The following ARHGAP24 variants were observed in gnomAD, a reference collection of about 807,000 sequenced individuals.
The protein encoded by ARHGAP24 is Rho GTPase activating protein 24.
Under a neutral mutation model 76.4 loss-of-function variants are expected in ARHGAP24, and 50 were observed. The ratio of observed to expected loss-of-function variants is 0.65; its 90% CI spans 0.52 to 0.83. The LOEUF (loss-of-function observed/expected upper bound fraction) is 0.83. Ranked by LOEUF, ARHGAP24 falls within the 40% of genes least tolerant of loss-of-function variation. ARHGAP24 has a pLI of 0.00. For missense variants in ARHGAP24, 930 were observed against 914.2 expected (o/e 1.02, Z -0.22); for synonymous variants, 345 against 323.3 (o/e 1.07, Z -0.72).
chr4:85,944,052 T>C (rs931755367), intron 5 of ARHGAP24, among the ~76,000 whole-genome samples: 13 of 152,292 alleles, frequency 8.5e-5, no homozygotes, highest in African/African-American at 2.9e-4. Context: ...TCCACAATGG[T>C]TGAGCTAATT....
At chr4:85,815,043 C>T (rs895899220) in intron 3 of ARHGAP24, among the ~76,000 whole-genome samples, 3 of 152,104 alleles carry the variant, frequency 2.0e-5, no homozygotes, top group African/African-American at 4.8e-5. Context: ...AGCCATGGCC[C>T]GAGCTCTACA....
chr4:85,493,795 T>A (rs546975629), intron 1 of ARHGAP24, among the ~76,000 whole-genome samples: 1 of 152,360 alleles, frequency 6.6e-6, no homozygotes, highest in Non-Finnish European at 1.5e-5. Flanking sequence ...ACGTATCTCC[T>A]TTTTTCTACA....
chr4:85,931,854 A>C (rs1560726449), intron 4 of ARHGAP24, among the ~76,000 whole-genome samples: 1 of 152,210 alleles, frequency 6.6e-6, no homozygotes, highest in Non-Finnish European at 1.5e-5. Flanking sequence ...AAGTAATTAT[A>C]ATGTTAATGA....
intron 1 of ARHGAP24, among the ~76,000 whole-genome samples, chr4:85,540,619 T>C (rs986158855): frequency 7.2e-5 from 11 of 152,206 alleles, no homozygotes; most frequent in Admixed American, 6.5e-4. Flanking sequence ...TATACCCTTG[T>C]AACAATCACC....
At chr4:85,862,404 C>A (rs537144833) in intron 3 of ARHGAP24, among the ~76,000 whole-genome samples, 6 of 152,092 alleles carry the variant, frequency 3.9e-5, no homozygotes, top group African/African-American at 1.4e-4. Context: ...TAGCAATCTA[C>A]GAGTGATTGA....
chr4:85,694,779 G>A (rs962727932), intron 2 of ARHGAP24, among the ~76,000 whole-genome samples: 1 of 152,012 alleles, frequency 6.6e-6, no homozygotes, highest in African/African-American at 2.4e-5. Flanking sequence ...GAGTATGTTG[G>A]GCAAGTATAT....
At chr4:85,883,553 G>C (rs1235439282) in intron 3 of ARHGAP24, among the ~76,000 whole-genome samples, 1 of 152,136 alleles carries the variant, frequency 6.6e-6, no homozygotes, top group Non-Finnish European at 1.5e-5. Flanking sequence ...TAGAGTACAT[G>C]TGCTGGGAGG....
intron 3 of ARHGAP24, among the ~76,000 whole-genome samples, chr4:85,772,485 C>A (rs188522846): frequency 6.6e-6 from 1 of 152,168 alleles, no homozygotes; most frequent in Non-Finnish European, 1.5e-5. Context: ...TTACCTCTTG[C>A]CTTCCTAGAT....
intron 1 of ARHGAP24, among the ~76,000 whole-genome samples, chr4:85,509,457 A>G (rs936873628): frequency 2.7e-4 from 41 of 152,294 alleles, no homozygotes; most frequent in African/African-American, 8.2e-4. Flanking sequence ...ATTATAAAAA[A>G]AAGTTACACA....
intron 3 of ARHGAP24, among the ~76,000 whole-genome samples, chr4:85,766,524 C>A (rs1726936289): frequency 6.6e-6 from 1 of 151,994 alleles, no homozygotes; most frequent in Admixed American, 6.6e-5. Context: ...TCAGAATCTG[C>A]ATGTTTAAGC....
At chr4:85,779,073 A>G (rs920623589) in intron 3 of ARHGAP24, 1 of 742,514 alleles carries the variant, frequency 1.3e-6, no homozygotes, top group African/African-American at 1.9e-5. Context: ...TTTTGAGAGA[A>G]AATATACCCT....
intron 3 of ARHGAP24, among the ~76,000 whole-genome samples, chr4:85,756,641 T>C (rs1391191995): frequency 6.6e-6 from 1 of 152,226 alleles, no homozygotes; most frequent in African/African-American, 2.4e-5. Flanking sequence ...GCCTTTGAGT[T>C]AAGAAAGTCT....
chr4:85,987,801 GA>G (rs757937518), intron 8 of ARHGAP24, among the ~76,000 whole-genome samples: 8 of 151,706 alleles, frequency 5.3e-5, no homozygotes, highest in Non-Finnish European at 1.0e-4. Context: ...TTTTTTCACA[GA>G]ATTGATGAAA....
chr4:85,774,538 G>A (rs549701192), intron 3 of ARHGAP24, among the ~76,000 whole-genome samples: 28 of 152,286 alleles, frequency 1.8e-4, no homozygotes, highest in African/African-American at 6.5e-4. Context: ...CAGCATTCAG[G>A]AAATGAAAGA....
intron 3 of ARHGAP24, among the ~76,000 whole-genome samples, chr4:85,742,568 G>A (rs1433337154): frequency 1.3e-5 from 2 of 152,196 alleles, no homozygotes; most frequent in Non-Finnish European, 2.9e-5. Flanking sequence ...TTGAATGTCT[G>A]CATCAGATAA....
Position 86,001,018 on chromosome 4 carries a change from T to C in ARHGAP24, c.*296T>C. On this transcript the variant is annotated 3_prime_UTR_variant, in exon 10 of 10. Transcript: ENST00000395184. ...ATTATTTTATTGCAAGTCTTGTATTTAAATGTTAAATCAATATGTTGTTGC... is the reference window on the plus strand; with the variant it reads ...ATTATTTTATTGCAAGTCTTGTATTCAAATGTTAAATCAATATGTTGTTGC... 1 of 503,228 alleles carries C rather than the reference T, an allele frequency of 2.0e-6. No homozygotes were observed. The highest frequency in any genetic ancestry group is 3.5e-6 in the Non-Finnish European group (1 of 288,308). 31.2% of individuals were successfully genotyped at this position (503,228 alleles called of 1,614,324 possible). A position where few individuals can be genotyped will look rare whatever the true frequency, so the allele number is the denominator to read the frequency against.
intron 3 of ARHGAP24, among the ~76,000 whole-genome samples, chr4:85,726,760 G>A (rs530813359): frequency 6.6e-6 from 1 of 152,282 alleles, no homozygotes; most frequent in South Asian, 2.1e-4. Context: ...CAGGCTGTTT[G>A]CACGTATCGC....
At chr4:85,559,095 G>A (rs1035536897) in intron 1 of ARHGAP24, among the ~76,000 whole-genome samples, 4 of 152,160 alleles carry the variant, frequency 2.6e-5, no homozygotes, top group African/African-American at 9.7e-5. Flanking sequence ...CCCATAATGA[G>A]GAAAGGACCC....
At chr4:85,499,164 A>T (rs1199680201) in intron 1 of ARHGAP24, among the ~76,000 whole-genome samples, 1 of 152,226 alleles carries the variant, frequency 6.6e-6, no homozygotes, top group Non-Finnish European at 1.5e-5. Flanking sequence ...TTTTAGAGTG[A>T]GAACATATAC....
Sources: allele counts gnomAD v4.1 joint callset (sites outside exome capture counted in the v4.1 genomes callset), GRCh38; gene constraint gnomAD v4.1.1; transcripts MANE v1.5; gene names NCBI Gene and HGNC (gene_info 2026-07-23, HGNC 2026-07-21).